The following GALNT18 variants were observed in gnomAD, a reference collection of about 807,000 sequenced individuals.
GALNT18 encodes the protein GalNAc-transferase 18.
A neutral mutation model predicts 69.5 loss-of-function variants in GALNT18; 44 were observed. The ratio of observed to expected loss-of-function variants is 0.63; its 90% confidence interval spans 0.50 to 0.81. GALNT18 has a LOEUF of 0.81. Among genes scored for constraint, GALNT18 ranks in the 40% least tolerant of loss-of-function variants. The pLI, the probability that GALNT18 is intolerant of heterozygous loss-of-function variation, is 0.00. For synonymous variants in GALNT18, 364 were observed against 318.2 expected, an observed-to-expected ratio of 1.14 and a Z score of -1.53; for missense variants, 715 against 810.0, an observed-to-expected ratio of 0.88 and a Z score of 1.42.
intron 6 of GALNT18, among the ~76,000 whole-genome samples, chr11:11,349,680 G>A (rs932154326): frequency 3.3e-5 from 5 of 152,166 alleles, no homozygotes; most frequent in African/African-American, 4.8e-5. Flanking sequence ...TAAATTGCAC[G>A]AATGAAGGAA....
At chr11:11,331,634 C>T (rs575958817) in intron 8 of GALNT18, among the ~76,000 whole-genome samples, 1 of 152,260 alleles carries the variant, frequency 6.6e-6, no homozygotes, top group East Asian at 1.9e-4. Flanking sequence ...GGGACACTCT[C>T]CAAAGGGAGG....
intron 2 of GALNT18, among the ~76,000 whole-genome samples, chr11:11,445,646 C>G (rs1011591938): frequency 2.6e-5 from 4 of 152,330 alleles, no homozygotes; most frequent in East Asian, 3.9e-4. Flanking sequence ...CTAGACGGAG[C>G]CTTCCAAGTA....
rs1856096789 is a variant in GALNT18, at chr11:11,463,703, CCTGGCA to C, written c.236-14773_236-14768del. 6.6e-6 allele frequency among the ~76,000 whole-genome samples: 1 copy of C among 152,174 alleles called. No homozygotes were observed. The highest frequency in any genetic ancestry group is 2.4e-5 in the African/African-American group (1 of 41,428). On this transcript the variant is annotated intron_variant, in intron 1 of 10. Coordinates refer to ENST00000227756, the MANE Select transcript of GALNT18 (RefSeq NM_198516.3). The surrounding 1 kb of genome is among the most constrained non-coding windows in gnomAD (Gnocchi z 4.2). ...CAAACAGGCCCTCCCAACCCCAGGC[CCTGGCA>C]GGATAGGGAAAGGCTTTGAATCCAC... is the stretch of plus-strand genomic sequence containing the variant.
intron 6 of GALNT18, among the ~76,000 whole-genome samples, chr11:11,365,467 G>A (rs1189773250): frequency 6.6e-6 from 1 of 152,140 alleles, no homozygotes; most frequent in Non-Finnish European, 1.5e-5. Context: ...ACATGTACAT[G>A]AGTCTTTATA....
intron 10 of GALNT18, among the ~76,000 whole-genome samples, chr11:11,279,096 C>A (rs1224171233): frequency 6.6e-6 from 1 of 152,168 alleles, no homozygotes; most frequent in Non-Finnish European, 1.5e-5. Flanking sequence ...AGTGGGCTCT[C>A]TCCGCTCTGA....
intron 3 of GALNT18, among the ~76,000 whole-genome samples, chr11:11,391,086 G>A (rs1286764641): frequency 6.6e-6 from 1 of 152,134 alleles, no homozygotes; most frequent in Non-Finnish European, 1.5e-5. Context: ...TTCACCCTCT[G>A]TCCTGCATTT....
In GALNT18 at chr11:11,459,322, C is replaced by T. The variant is rs7936305; in HGVS notation, c.236-10386G>A. On this transcript the variant is annotated intron_variant, in intron 1 of 10. Transcript: ENST00000227756. This position sits in a 1 kb window ranked among gnomAD's most constrained non-coding sequence, Gnocchi z 5.0. ...AATCTGACAGCAAAGAGCTTGGAAC[C>T]AATCAGGAGGAAGGAGCCCTGACAG... 0.99 allele frequency among the ~76,000 whole-genome samples: 150,288 copies of T among 152,278 alleles called. 74,203 individuals carry two copies. The highest frequency in any genetic ancestry group is 1 in the East Asian group (5,152 of 5,152).
rs1039704430 is a variant in GALNT18, at chr11:11,435,233, G to A, written c.429-2446C>T. On this transcript the variant is annotated intron_variant, in intron 2 of 10. Coordinates refer to ENST00000227756, the MANE Select transcript of GALNT18 (RefSeq NM_198516.3). The surrounding 1 kb of genome is among the most constrained non-coding windows in gnomAD (Gnocchi z 4.4). The stretch of plus-strand genomic sequence containing the variant: ...CAAATTTCCAGGGTGTTCAGAGATG[G>A]GGGTTAACTACTTCCCCCTACTCTC... 1.3e-4 allele frequency among the ~76,000 whole-genome samples: 20 copies of A among 152,098 alleles called. No individual in the cohort carries two copies. The highest frequency in any genetic ancestry group is 1.3e-4 in the Admixed American group (2 of 15,268).
At chr11:11,279,586 C>G (rs1218079939) in intron 10 of GALNT18, among the ~76,000 whole-genome samples, 1 of 110,402 alleles carries the variant, frequency 9.1e-6, no homozygotes, top group African/African-American at 2.9e-5. Flanking sequence ...GCAACAAAAA[C>G]TATAGCTATA....
At position 11,282,341 on chromosome 11, in the gene GALNT18, A is replaced by C. The variant is rs913920253; in HGVS notation, c.1677+10688T>G. Among the ~76,000 whole-genome samples, 2 of 152,220 alleles carry C rather than the reference A, an allele frequency of 1.3e-5. 1 individual carries two copies. The highest frequency in any genetic ancestry group is 2.9e-5 in the Non-Finnish European group (2 of 68,038). ...CTGCAGCTGAGATGAGAGGAATAACAACTATCACTTATTTACCATTTGCCT... is the reference window on the plus strand; with the variant it reads ...CTGCAGCTGAGATGAGAGGAATAACCACTATCACTTATTTACCATTTGCCT... On this transcript the variant is annotated intron_variant, in intron 10 of 10. Coordinates refer to ENST00000227756, the MANE Select transcript of GALNT18 (RefSeq NM_198516.3).
intron 6 of GALNT18, among the ~76,000 whole-genome samples, chr11:11,348,381 GAA>G (rs71988944): frequency 9.5e-4 from 73 of 77,050 alleles, no homozygotes; most frequent in African/African-American, 3.3e-3. Flanking sequence ...TTCGTCTCAG[GAA>G]AAAAAAAAAA....
intron 10 of GALNT18, among the ~76,000 whole-genome samples, chr11:11,292,534 C>T (rs140967978): frequency 8.5e-4 from 129 of 152,322 alleles, no homozygotes; most frequent in Non-Finnish European, 8.5e-4. Context: ...TGACCCAATA[C>T]TGCGTGGAAG....
At chr11:11,575,048 A>G (rs1858888390) in intron 1 of GALNT18, among the ~76,000 whole-genome samples, 1 of 152,248 alleles carries the variant, frequency 6.6e-6, no homozygotes. Context: ...TGCAAAATGC[A>G]TCATAAATCC....
intron 6 of GALNT18, among the ~76,000 whole-genome samples, chr11:11,359,304 AC>A (rs1385140189): frequency 7.1e-6 from 1 of 141,002 alleles, no homozygotes; most frequent in African/African-American, 2.6e-5. Flanking sequence ...ACACACATTA[AC>A]CTGTACACAT....
chr11:11,299,242 T>TCAAG, intron 9 of GALNT18, among the ~76,000 whole-genome samples: 1 of 152,262 alleles, frequency 6.6e-6, no homozygotes, highest in South Asian at 2.1e-4. Context: ...CCTCCCAGGT[T>TCAAG]CAAGCAAGTC....
rs1854079773 is a variant in GALNT18, at chr11:11,387,254, A to G, written c.596-7990T>C. On this transcript the variant is annotated intron_variant, in intron 3 of 10. Transcript: ENST00000227756. The surrounding 1 kb of genome is among the most constrained non-coding windows in gnomAD (Gnocchi z 4.6). The stretch of plus-strand genomic sequence containing the variant: ...CTGCTTTTCGTTTCTCTACTTGGCC[A>G]TCTTTGGGTCTGATGTTTTGGACTG... Among the ~76,000 whole-genome samples the G allele has an allele frequency of 6.6e-6, 1 of 151,974 alleles. No individual in the cohort carries two copies. The highest frequency in any genetic ancestry group is 1.5e-5 in the Non-Finnish European group (1 of 67,986).
intron 6 of GALNT18, among the ~76,000 whole-genome samples, chr11:11,346,726 A>G (rs1257413431): frequency 6.6e-6 from 1 of 152,160 alleles, no homozygotes; most frequent in East Asian, 1.9e-4. Context: ...TGGATTGTAG[A>G]GAACAGTTAC....
chr11:11,606,654 C>T lies in GALNT18; in HGVS notation c.235+14705G>A, dbSNP rs563415545. ...AGAGGAGATCCCATCCAAGGGAGAC[C>T]CTGAAAAGCTGCCCACCTCTTTGTC... On this transcript the variant is annotated intron_variant, in intron 1 of 10. Transcript: ENST00000227756. This position sits in a 1 kb window ranked among gnomAD's most constrained non-coding sequence, Gnocchi z 5.4. 1.3e-5 allele frequency among the ~76,000 whole-genome samples: 2 copies of T among 152,162 alleles called. No individual in the cohort carries two copies. The highest frequency in any genetic ancestry group is 1.9e-4 in the East Asian group (1 of 5,186).
At chr11:11,552,891 C>T (rs1858234453) in intron 1 of GALNT18, among the ~76,000 whole-genome samples, 1 of 152,170 alleles carries the variant, frequency 6.6e-6, no homozygotes, top group East Asian at 1.9e-4. Flanking sequence ...ACACCCAGCC[C>T]CTGACACCCC....
Sources: allele counts gnomAD v4.1 joint callset (sites outside exome capture counted in the v4.1 genomes callset), GRCh38; gene constraint gnomAD v4.1.1; non-coding constraint Gnocchi (gnomAD v3.1); transcripts MANE v1.5; gene names NCBI Gene and HGNC (gene_info 2026-07-23, HGNC 2026-07-21).